The following MOV10L1 variants were observed in gnomAD, a reference collection of about 807,000 sequenced individuals.
MOV10L1 encodes the protein RNA helicase Mov10l1.
In MOV10L1, 110 loss-of-function variants were observed where a neutral mutation model predicts 143.8. The observed-to-expected ratio is 0.76, with a 90% CI of 0.66 to 0.90. The LOEUF (loss-of-function observed/expected upper bound fraction) is 0.90, where lower values mean the gene tolerates loss of function less well. Among genes scored for constraint, MOV10L1 ranks in the 40% least tolerant of loss-of-function variants. The pLI is 0.00. For synonymous variants in MOV10L1, 593 were observed against 581.1 expected (o/e 1.02, Z -0.29); for missense variants, 1,406 against 1,526.8 (o/e 0.92, Z 1.32).
intron 9 of MOV10L1, among the ~76,000 whole-genome samples, chr22:50,118,631 A>G (rs2062248396): frequency 6.6e-6 from 1 of 152,162 alleles, no homozygotes; most frequent in African/African-American, 2.4e-5. Context: ...ATCTGGGATT[A>G]ATAGGTGGTT....
Position 50,152,114 on chromosome 22 carries a change from C to T in MOV10L1, c.2893-931C>T, listed in dbSNP as rs738336. ...CTCACGGGGCCAATCATGGCGTTCT[C>T]GTGCCAGTGTCATCTGGCGAGTAAC... On this transcript the variant is annotated intron_variant, in intron 21 of 26. Transcript: ENST00000262794. The surrounding 1 kb of genome is among the most constrained non-coding windows in gnomAD (Gnocchi z 4.4). 0.12 allele frequency among the ~76,000 whole-genome samples: 18,463 copies of T among 151,786 alleles called. 1,361 individuals are homozygous for T. The highest frequency in any genetic ancestry group is 0.24 in the East Asian group (1,247 of 5,140).
intron 15 of MOV10L1, among the ~76,000 whole-genome samples, chr22:50,140,177 C>T (rs2062939370): frequency 6.6e-6 from 1 of 152,192 alleles, no homozygotes; most frequent in Admixed American, 6.5e-5. Context: ...CATGCAACAA[C>T]ACAGGTGGCT....
chr22:50,144,736 T>C (rs887146916), intron 18 of MOV10L1, among the ~76,000 whole-genome samples: 8 of 151,616 alleles, frequency 5.3e-5, no homozygotes, highest in Non-Finnish European at 7.4e-5. Context: ...CACCCGCCAC[T>C]GCGCCCGGCT....
At chr22:50,147,047 C>A in intron 19 of MOV10L1, 1 of 1,551,990 alleles carries the variant, frequency 6.4e-7, no homozygotes, top group South Asian at 1.2e-5. Context: ...GTTGATGAGT[C>A]AAAGGTCAAG....
intron 3 of MOV10L1, among the ~76,000 whole-genome samples, chr22:50,106,325 CTTTTTTT>C (rs1165257394): frequency 1.1e-5 from 1 of 94,556 alleles, no homozygotes; most frequent in Non-Finnish European, 2.0e-5. Context: ...CCAACTAATT[CTTTTTTT>C]TTTTTTTTTT....
At chr22:50,115,297 C>T (rs778787968) in intron 8 of MOV10L1, 51 bp downstream of exon 8, 57 of 1,442,926 alleles carry the variant, frequency 4.0e-5, no homozygotes, top group Non-Finnish European at 4.8e-5. Context: ...TTCTCTGATA[C>T]TTCTAGGTTG....
At chr22:50,156,089 CACAT>C (rs932159877) in intron 22 of MOV10L1, among the ~76,000 whole-genome samples, 4 of 151,796 alleles carry the variant, frequency 2.6e-5, no homozygotes, top group Non-Finnish European at 5.9e-5. Flanking sequence ...AATAAATGTA[CACAT>C]AATATAAAAT....
chr22:50,091,669 G>T (rs958528922), intron 1 of MOV10L1, among the ~76,000 whole-genome samples: 11 of 152,190 alleles, frequency 7.2e-5, no homozygotes, highest in African/African-American at 2.4e-4. Context: ...AACAGGCCCA[G>T]AGTAGTTAAG....
Position 50,150,847 on chromosome 22 carries a change from A to G in MOV10L1, c.2840A>G (p.Tyr947Cys). The change falls in exon 21 of 27, where the codon TAC becomes TGC. Residue 947 changes from tyrosine (Y) to cysteine (C), a missense_variant. This residue lies in a region of MOV10L1 where 1,233 missense variants were observed against 1,351.4 expected (regional missense o/e 0.91). Coordinates refer to ENST00000262794, the MANE Select transcript of MOV10L1 (RefSeq NM_018995.3). ...FLERLMSRPA[Y>C]QRDENAFGAC... is the part of the protein sequence containing the mutation. ...GAACGGCTGATGTCTCGACCCGCGT[A>G]CCAGAGGGACGAAAATGCTTTCGGT... The G allele has an allele frequency of 6.2e-7, 1 of 1,614,200 alleles. No homozygotes were observed. Among genetic ancestry groups the G allele is most frequent in the Non-Finnish European group, 8.5e-7 (1 of 1,180,026 alleles).
At chr22:50,119,303 G>T (rs1322718715) in intron 9 of MOV10L1, among the ~76,000 whole-genome samples, 6 of 152,178 alleles carry the variant, frequency 3.9e-5, no homozygotes, top group Non-Finnish European at 1.5e-5. Context: ...TGGAGCACCA[G>T]GTGTCTGGAC....
chr22:50,116,783 GT>G (rs1329934783), intron 8 of MOV10L1, among the ~76,000 whole-genome samples: 1 of 150,220 alleles, frequency 6.7e-6, no homozygotes, highest in Non-Finnish European at 1.5e-5. Context: ...AGCCTCCCGA[GT>G]AGCTGGAACC....
Position 50,145,776 on chromosome 22 carries a change from A to G in MOV10L1, c.2593A>G (p.Ser865Gly). ...SRFRIIITTC[S>G]SSGLFYQIGV... Reference sequence around the variant, plus strand: ...CTTCCGGATAATCATCACCACATGCAGCAGCTCAGGGCTGTTTTACCAAAT... The same window carrying G: ...CTTCCGGATAATCATCACCACATGCGGCAGCTCAGGGCTGTTTTACCAAAT... The change falls in exon 19 of 27, where the codon AGC becomes GGC. Residue 865 changes from serine to glycine, a missense_variant. Around this residue, in one of 3 missense-constraint regions of MOV10L1, gnomAD observed 1,233 missense variants for 1,351.4 expected, o/e 0.91. Coordinates refer to ENST00000262794, the MANE Select transcript of MOV10L1 (RefSeq NM_018995.3). 6.2e-7 allele frequency: 1 copy of G among 1,614,144 alleles called. No individual in the cohort carries two copies. Among genetic ancestry groups the G allele is most frequent in the Non-Finnish European group, 8.5e-7 (1 of 1,180,024 alleles).
At position 50,128,413 on chromosome 22, in the gene MOV10L1, T is replaced by C. The variant is rs1189698624; in HGVS notation, c.1819-3T>C. ...TCAGGTATATTGTTTGTTCCTTTTT[T>C]AGATTCATGAAGAAGATGTAACTCT... On this transcript the variant is annotated splice_polypyrimidine_tract_variant and splice_region_variant and intron_variant, in intron 12 of 26. Coordinates refer to ENST00000262794, the MANE Select transcript of MOV10L1 (RefSeq NM_018995.3). 6 of 1,430,206 alleles carry C rather than the reference T, an allele frequency of 4.2e-6. No individual in the cohort carries two copies. The highest frequency in any genetic ancestry group is 1.4e-5 in the African/African-American group (1 of 69,752). The allele number at this position is 1,430,206 out of a possible 1,614,324, so 88.6% of individuals were successfully genotyped here.
At position 50,159,765 on chromosome 22, in the gene MOV10L1, C is replaced by G; in HGVS notation, c.3304C>G (p.Leu1102Val). The G allele has an allele frequency of 6.2e-7, 1 of 1,611,516 alleles. No homozygotes were observed. Among genetic ancestry groups the G allele is most frequent in the Non-Finnish European group, 8.5e-7 (1 of 1,177,970 alleles). Residue 1102 changes from leucine to valine, a missense_variant, in exon 24 of 27, where the codon CTG (leucine) becomes GTG (valine). Around this residue, in one of 3 missense-constraint regions of MOV10L1, gnomAD observed 1,233 missense variants for 1,351.4 expected, o/e 0.91. Transcript: ENST00000262794. This position sits in a 1 kb window ranked among gnomAD's most constrained non-coding sequence, Gnocchi z 4.1. ...SVEEFQGQEY[L>V]VIIISTVRSN... is the part of the protein sequence containing the mutation. ...AGAGGAGTTTCAAGGACAAGAGTAT[C>G]TGGTCATCATCATTTCGACCGTAGG...
intron 5 of MOV10L1, among the ~76,000 whole-genome samples, chr22:50,111,751 C>T (rs1400918247): frequency 6.6e-6 from 1 of 152,146 alleles, no homozygotes; most frequent in African/African-American, 2.4e-5. Context: ...GATCCGCCCA[C>T]CTCAGCCTCC....
rs1303971106 is a variant in MOV10L1 at position 50,152,488 on chromosome 22, G to C, written c.2893-557G>C. Among the ~76,000 whole-genome samples the C allele has an allele frequency of 6.6e-6, 1 of 152,194 alleles. No homozygotes were observed. The highest frequency in any genetic ancestry group is 1.5e-5 in the Non-Finnish European group (1 of 68,018). Reference sequence around the variant, plus strand: ...TTCCCGAGCAAGTTGGAGGCAGACAGTAAAGGTGTCCCATGTACTGGTGAT... The same window carrying C: ...TTCCCGAGCAAGTTGGAGGCAGACACTAAAGGTGTCCCATGTACTGGTGAT... On this transcript the variant is annotated intron_variant, in intron 21 of 26. Transcript: ENST00000262794. This position sits in a 1 kb window ranked among gnomAD's most constrained non-coding sequence, Gnocchi z 4.4.
intron 3 of MOV10L1, among the ~76,000 whole-genome samples, chr22:50,105,042 C>A (rs2061835513): frequency 6.6e-6 from 1 of 152,152 alleles, no homozygotes; most frequent in Non-Finnish European, 1.5e-5. Context: ...CATACATGCA[C>A]TTCCATGCCC....
chr22:50,101,381 A>G (rs1056314359), intron 3 of MOV10L1, among the ~76,000 whole-genome samples: 1 of 151,982 alleles, frequency 6.6e-6, no homozygotes, highest in Non-Finnish European at 1.5e-5. Flanking sequence ...ACACCTGGCT[A>G]ATTTTTTGTA....
chr22:50,090,373 G>A, intron 1 of MOV10L1, 188 bp downstream of exon 1: 4 of 1,537,812 alleles, frequency 2.6e-6, no homozygotes, highest in Non-Finnish European at 3.5e-6. Context: ...GCATCCCGCC[G>A]CTCTGGGCGC....
Sources: allele counts gnomAD v4.1 joint callset (sites outside exome capture counted in the v4.1 genomes callset), GRCh38; gene constraint gnomAD v4.1.1; regional missense constraint gnomAD v4.1.1; non-coding constraint Gnocchi (gnomAD v3.1); transcripts MANE v1.5; gene names NCBI Gene and HGNC (gene_info 2026-07-23, HGNC 2026-07-21).